The following KLF8 variants were observed in gnomAD, a reference collection of about 807,000 sequenced individuals.
KLF8 encodes the protein KLF transcription factor 8.
In KLF8, 10 loss-of-function variants were observed where a neutral mutation model predicts 18.2. The observed-to-expected ratio is 0.55, with a 90% CI of 0.34 to 0.93. The LOEUF (loss-of-function observed/expected upper bound fraction) is 0.93, where lower values mean the gene tolerates loss of function less well. Ranked by LOEUF, KLF8 falls within the 40% of genes least tolerant of loss-of-function variation. KLF8 has a pLI of 0.02. For missense variants in KLF8, 264 were observed against 277.9 expected (o/e 0.95, Z 0.36); for synonymous variants, 109 against 97.3 (o/e 1.12, Z -0.71).
At chrX:56,098,939 T>A in the KLF8 span, among the ~76,000 whole-genome samples, 1 of 112,043 alleles carries the variant, frequency 8.9e-6, no homozygotes, top group African/African-American at 3.2e-5. Flanking sequence ...ACAAAAAGGA[T>A]GAACTATCTA....
At chrX:56,121,452 T>C in the KLF8 span, among the ~76,000 whole-genome samples, 1 of 112,243 alleles carries the variant, frequency 8.9e-6, no homozygotes. Flanking sequence ...TATTTATTGC[T>C]TTTGGACTTA....
At chrX:55,975,233 T>C in the KLF8 span, among the ~76,000 whole-genome samples, 1 of 110,846 alleles carries the variant, frequency 9.0e-6, no homozygotes, top group Non-Finnish European at 1.9e-5. Context: ...GGAGCAGGGA[T>C]AGTGTTCCAG....
chrX:56,210,944 C>A, the KLF8 span, among the ~76,000 whole-genome samples: 1 of 110,279 alleles, frequency 9.1e-6, no homozygotes, highest in African/African-American at 3.3e-5. Context: ...AAATCCTTCT[C>A]TGTGGTATCT....
At chrX:55,975,403 C>T in the KLF8 span, among the ~76,000 whole-genome samples, 1 of 110,775 alleles carries the variant, frequency 9.0e-6, no homozygotes, top group Admixed American at 9.6e-5. Context: ...ATAAAATATG[C>T]ATTTATTAAT....
chrX:56,261,808 A>G (rs1024499926), intron 2 of KLF8, among the ~76,000 whole-genome samples: 5 of 111,748 alleles, frequency 4.5e-5, no homozygotes, highest in Non-Finnish European at 9.4e-5. Context: ...TCCTCAGTGC[A>G]CACAAACAAA....
At chrX:56,244,226 T>A (rs1004787328) in intron 1 of KLF8, among the ~76,000 whole-genome samples, 1 of 111,958 alleles carries the variant, frequency 8.9e-6, no homozygotes, top group African/African-American at 3.3e-5. Flanking sequence ...TTATTTTCTG[T>A]TTTTGAAACA....
chrX:56,165,181 T>G, the KLF8 span, among the ~76,000 whole-genome samples: 22 of 111,070 alleles, frequency 2.0e-4, no homozygotes, highest in African/African-American at 7.2e-4. Context: ...TCCATATGAA[T>G]TTTAAAATAC....
chrX:56,225,399 C>T, the KLF8 span, among the ~76,000 whole-genome samples: 1 of 110,776 alleles, frequency 9.0e-6, no homozygotes, highest in Non-Finnish European at 1.9e-5. Flanking sequence ...TTTCTCTGAT[C>T]AACCAACTAA....
At chrX:56,122,742 C>T in the KLF8 span, among the ~76,000 whole-genome samples, 1 of 110,259 alleles carries the variant, frequency 9.1e-6, no homozygotes, top group Non-Finnish European at 1.9e-5. Flanking sequence ...TGGAGTTGAA[C>T]TTGCTTTATA....
At chrX:56,184,711 G>T in the KLF8 span, among the ~76,000 whole-genome samples, 7 of 111,686 alleles carry the variant, frequency 6.3e-5, no homozygotes, top group Admixed American at 4.8e-4. Context: ...AGCATTCGTG[G>T]TTCATGAAAT....
At chrX:56,183,454 C>A in the KLF8 span, among the ~76,000 whole-genome samples, 1 of 111,942 alleles carries the variant, frequency 8.9e-6, no homozygotes, top group Admixed American at 9.5e-5. Context: ...TCAGCTCACA[C>A]TCCGTGGGCT....
the KLF8 span, among the ~76,000 whole-genome samples, chrX:56,202,460 A>G: frequency 1.8e-4 from 20 of 110,648 alleles, no homozygotes; most frequent in Non-Finnish European, 3.8e-5. Flanking sequence ...TTATTTGTAC[A>G]TGTACAATTA....
chrX:56,226,619 T>A, the KLF8 span, among the ~76,000 whole-genome samples: 1 of 112,345 alleles, frequency 8.9e-6, no homozygotes, highest in East Asian at 2.8e-4. Flanking sequence ...TGCATTGTTT[T>A]ATTTTCAGTA....
At chrX:56,134,203 TAGCCAAAGTAAAACTAAGCAA>T in the KLF8 span, among the ~76,000 whole-genome samples, 1 of 111,298 alleles carries the variant, frequency 9.0e-6, no homozygotes, top group Non-Finnish European at 1.9e-5. Context: ...AAATTTTGCA[TAGCCAAAGTAAAACTAAGCAA>T]AAGAAAAAAT....
the KLF8 span, among the ~76,000 whole-genome samples, chrX:55,996,896 G>T: frequency 8.9e-6 from 1 of 112,162 alleles, no homozygotes. Context: ...GGTGGCAAGG[G>T]TGCACACACA....
the KLF8 span, among the ~76,000 whole-genome samples, chrX:56,188,112 T>C: frequency 1.8e-5 from 2 of 111,068 alleles, no homozygotes; most frequent in Non-Finnish European, 3.8e-5. Context: ...CATGATTGTA[T>C]ATCTAGAAAA....
chrX:55,994,276 T>C, the KLF8 span, among the ~76,000 whole-genome samples: 1 of 109,519 alleles, frequency 9.1e-6, no homozygotes, highest in Non-Finnish European at 1.9e-5. Context: ...TGGTAATGTC[T>C]CCTTTGTCAT....
the KLF8 span, among the ~76,000 whole-genome samples, chrX:56,195,248 A>G: frequency 8.9e-6 from 1 of 112,324 alleles, no homozygotes; most frequent in Non-Finnish European, 1.9e-5. Context: ...AAGTTGACAG[A>G]GGTAGGCTTC....
the KLF8 span, among the ~76,000 whole-genome samples, chrX:56,219,511 C>T: frequency 8.9e-6 from 1 of 111,923 alleles, no homozygotes; most frequent in Non-Finnish European, 1.9e-5. Flanking sequence ...AAATAACTTC[C>T]ATAAATGGAA....
Sources: allele counts gnomAD v4.1 joint callset (sites outside exome capture counted in the v4.1 genomes callset), GRCh38; gene constraint gnomAD v4.1.1; transcripts MANE v1.5; gene names NCBI Gene and HGNC (gene_info 2026-07-23, HGNC 2026-07-21).